The following SNX29 variants were observed in gnomAD, a reference collection of about 807,000 sequenced individuals.
SNX29 encodes the protein sorting nexin-29.
A neutral mutation model predicts 102.1 loss-of-function variants in SNX29; 78 were observed. That is an observed-to-expected ratio of 0.76 (90% CI 0.64 to 0.92). The LOEUF is 0.92. Among genes scored for constraint, SNX29 ranks in the 40% least tolerant of loss-of-function variants. The probability of loss-of-function intolerance (pLI) is 0.00; values close to 1 mark genes in which losing one functional copy is unlikely to be tolerated. For missense variants in SNX29, 1,280 were observed against 1,061.7 expected (o/e 1.21, Z -2.86); for synonymous variants, 580 against 414.5 (o/e 1.40, Z -4.85).
intron 4 of SNX29, among the ~76,000 whole-genome samples, chr16:12,037,323 C>T (rs981774000): frequency 1.3e-5 from 2 of 152,066 alleles, no homozygotes; most frequent in Non-Finnish European, 2.9e-5. Context: ...TTGCTGACCT[C>T]AGCTCCTGGA....
chr16:12,568,880 G>T lies in SNX29; in HGVS notation c.*251G>T, dbSNP rs1271349648. 3 of 569,566 alleles carry T rather than the reference G, an allele frequency of 5.3e-6. No homozygotes were observed. The highest frequency in any genetic ancestry group is 1.9e-5 in the African/African-American group (1 of 52,798). The allele number at this position is 569,566 out of a possible 1,614,324, so 35.3% of individuals were successfully genotyped here. A position where few individuals can be genotyped will look rare whatever the true frequency, so the allele number is the denominator to read the frequency against. On this transcript the variant is annotated 3_prime_UTR_variant, in exon 21 of 21. Transcript: ENST00000566228. ...GACACACAGTCCTTCTGCTTCTGGG[G>T]TCTACCCTGGGCTGCAAGGGCTGTT... is the stretch of plus-strand genomic sequence containing the variant.
intron 20 of SNX29, among the ~76,000 whole-genome samples, chr16:12,546,977 A>C (rs188897369): frequency 2.6e-5 from 4 of 152,216 alleles, no homozygotes; most frequent in Non-Finnish European, 4.4e-5. Context: ...CATTCCTCCA[A>C]TTAGTACTTA....
chr16:12,370,503 C>T (rs1229921668), intron 16 of SNX29, among the ~76,000 whole-genome samples: 1 of 152,080 alleles, frequency 6.6e-6, no homozygotes, highest in East Asian at 1.9e-4. Flanking sequence ...GAGGTTGCAG[C>T]AAGTGGAGAT....
intron 20 of SNX29, among the ~76,000 whole-genome samples, chr16:12,541,524 C>G (rs758078229): frequency 6.6e-6 from 1 of 152,104 alleles, no homozygotes; most frequent in Non-Finnish European, 1.5e-5. Flanking sequence ...ATAACCATTT[C>G]AGCATGTAGT....
chr16:12,138,069 G>A (rs987654372), intron 13 of SNX29, among the ~76,000 whole-genome samples: 2 of 152,278 alleles, frequency 1.3e-5, no homozygotes, highest in Admixed American at 6.5e-5. Flanking sequence ...ATGGGAAGGG[G>A]ATGTGGTAGC....
chr16:12,556,015 C>T lies in SNX29; in HGVS notation c.2319-12491C>T, dbSNP rs180917343. Among the ~76,000 whole-genome samples, 12 of 152,306 alleles carry T rather than the reference C, an allele frequency of 7.9e-5. No homozygotes were observed. In the East Asian group the frequency reaches 2.1e-3, roughly 27 times the overall value. On this transcript the variant is annotated intron_variant, in intron 20 of 20. Transcript: ENST00000566228. ...TTTTTTTGTTCACTTGTCCTGTGGA[C>T]TCATGCCATGCCACCGTAGTGCTGA...
chr16:12,005,439 C>T (rs1211107909), intron 3 of SNX29, among the ~76,000 whole-genome samples: 3 of 152,254 alleles, frequency 2.0e-5, no homozygotes, highest in South Asian at 4.1e-4. Context: ...CAACAGGACT[C>T]CCAGGTGATT....
chr16:12,090,923 G>C (rs368837360), intron 11 of SNX29, among the ~76,000 whole-genome samples: 45 of 144,776 alleles, frequency 3.1e-4, no homozygotes, highest in African/African-American at 9.8e-4. Flanking sequence ...GCTGAGGCAG[G>C]AGAATCACTT....
intron 13 of SNX29, among the ~76,000 whole-genome samples, chr16:12,152,094 G>T (rs927091193): frequency 1.3e-5 from 2 of 152,110 alleles, no homozygotes; most frequent in African/African-American, 4.8e-5. Context: ...GGTGGTATGC[G>T]CCTGTAGTCA....
At chr16:12,265,726 A>C (rs2078908938) in intron 14 of SNX29, among the ~76,000 whole-genome samples, 1 of 116,012 alleles carries the variant, frequency 8.6e-6, no homozygotes, top group South Asian at 2.9e-4. Flanking sequence ...AAAAAAAAAA[A>C]AGTTGCAAAA....
rs150837313 is a variant in SNX29, at chr16:12,111,836, A to T, written c.1403-14797A>T. Among the ~76,000 whole-genome samples, 74 of 151,890 alleles carry T rather than the reference A, an allele frequency of 4.9e-4. 1 individual carries two copies. The East Asian group carries it at 0.011, about 23-fold the overall frequency. ...GGAGTACGGAGAGGTGAGATTTGAG[A>T]GTGTGTGTGGGTTGCTTCCCCAGAT... is the stretch of plus-strand genomic sequence containing the variant. On this transcript the variant is annotated intron_variant, in intron 11 of 20. Coordinates refer to ENST00000566228, the MANE Select transcript of SNX29 (RefSeq NM_032167.5).
intron 20 of SNX29, among the ~76,000 whole-genome samples, chr16:12,548,999 G>A (rs894135989): frequency 2.0e-5 from 3 of 152,214 alleles, no homozygotes; most frequent in African/African-American, 4.8e-5. Flanking sequence ...CGTGCTTTGG[G>A]TCCGTTGTAA....
At chr16:12,542,499 T>C (rs2077387815) in intron 20 of SNX29, among the ~76,000 whole-genome samples, 1 of 152,182 alleles carries the variant, frequency 6.6e-6, no homozygotes, top group Admixed American at 6.5e-5. Flanking sequence ...ACCTGGCTCA[T>C]TTTTGTATTT....
At chr16:12,194,427 G>T (rs900048964) in intron 13 of SNX29, among the ~76,000 whole-genome samples, 1 of 152,102 alleles carries the variant, frequency 6.6e-6, no homozygotes, top group Admixed American at 6.6e-5. Context: ...CTTGTGAAGA[G>T]GGAAAGTTTT....
At chr16:12,398,259 T>C (rs939152858) in intron 16 of SNX29, among the ~76,000 whole-genome samples, 187 bp from the exon 17 acceptor site, 2 of 152,196 alleles carry the variant, frequency 1.3e-5, no homozygotes, top group African/African-American at 2.4e-5. Context: ...ATATTTTTAT[T>C]GCTGCAACAT....
At chr16:12,078,496 A>G (rs899429631) in intron 10 of SNX29, among the ~76,000 whole-genome samples, 3 of 152,128 alleles carry the variant, frequency 2.0e-5, no homozygotes, top group African/African-American at 7.2e-5. Context: ...AGCAAAGAGG[A>G]TGCTTGTTTA....
At chr16:12,532,533 A>G (rs936536685) in intron 20 of SNX29, among the ~76,000 whole-genome samples, 1 of 152,234 alleles carries the variant, frequency 6.6e-6, no homozygotes, top group South Asian at 2.1e-4. Context: ...AGAATAACTT[A>G]TGATTTGGAG....
At chr16:12,268,248 C>T (rs2078990516) in intron 14 of SNX29, among the ~76,000 whole-genome samples, 2 of 152,222 alleles carry the variant, frequency 1.3e-5, no homozygotes, top group African/African-American at 4.8e-5. Context: ...GGAACAGAAG[C>T]TTCATATTGG....
At chr16:12,390,935 C>T (rs536165020) in intron 16 of SNX29, among the ~76,000 whole-genome samples, 63 of 151,540 alleles carry the variant, frequency 4.2e-4, no homozygotes, top group African/African-American at 1.4e-3. Context: ...GGAAATAAAT[C>T]GCAACAAATT....
Sources: gnomAD v4.1 joint callset for allele counts (sites outside exome capture counted in the v4.1 genomes callset) on GRCh38, gnomAD v4.1.1 for gene constraint, MANE v1.5 for transcripts, NCBI Gene and HGNC (gene_info 2026-07-23, HGNC 2026-07-21) for gene names.